ZSCAN25: variants seen among roughly 807,000 people sequenced by gnomAD.
ZSCAN25 encodes the protein zinc finger and SCAN domain-containing protein 25.
Under a neutral mutation model 38.7 loss-of-function variants are expected in ZSCAN25, and 27 were observed. The ratio of observed to expected loss-of-function variants is 0.70; its 90% CI spans 0.51 to 0.96. The LOEUF (loss-of-function observed/expected upper bound fraction) is 0.96, where lower values mean the gene tolerates loss of function less well. Ranked by LOEUF, ZSCAN25 falls within the 40% of genes least tolerant of loss-of-function variation. ZSCAN25 has a pLI of 0.00. For missense variants in ZSCAN25, 637 were observed against 705.9 expected (o/e 0.90, Z 1.11); for synonymous variants, 273 against 277.7 (o/e 0.98, Z 0.17).
chr7:99,697,088 A>G, the ZSCAN25 span, among the ~76,000 whole-genome samples: 3 of 152,332 alleles, frequency 2.0e-5, no homozygotes, highest in East Asian at 5.8e-4. Context: ...ACCCAGCCTC[A>G]GGTATTTCTT....
the ZSCAN25 span, among the ~76,000 whole-genome samples, chr7:99,673,985 G>A: frequency 3.4e-3 from 513 of 152,304 alleles, 2 homozygotes; most frequent in South Asian, 0.011. Context: ...ACAATAGCGA[G>A]TGTGAACTTT....
the ZSCAN25 span, among the ~76,000 whole-genome samples, chr7:99,713,880 C>T: frequency 6.6e-6 from 1 of 152,218 alleles, no homozygotes; most frequent in Non-Finnish European, 1.5e-5. Context: ...AACTTGTCAG[C>T]AGCTTTGGTG....
At chr7:99,650,039 A>G in the ZSCAN25 span, 5 of 1,610,986 alleles carry the variant, frequency 3.1e-6, no homozygotes, top group Non-Finnish European at 4.2e-6. Flanking sequence ...CAGTTAAAAA[A>G]ATTCTTAATA....
the ZSCAN25 span, among the ~76,000 whole-genome samples, chr7:99,723,954 C>T: frequency 1.3e-5 from 2 of 152,214 alleles, no homozygotes; most frequent in African/African-American, 2.4e-5. Context: ...TATCTGATCA[C>T]TGTGGGGATG....
At chr7:99,638,680 ATTG>A in the ZSCAN25 span, 3 of 1,538,994 alleles carry the variant, frequency 1.9e-6, no homozygotes, top group South Asian at 3.3e-5. Flanking sequence ...CATTTACAGG[ATTG>A]TTGTCTTGCC....
At chr7:99,663,994 T>C in the ZSCAN25 span, 1 of 1,592,256 alleles carries the variant, frequency 6.3e-7, no homozygotes, top group African/African-American at 1.4e-5. Context: ...AGGCGACTTT[T>C]CTTCATTCTG....
the ZSCAN25 span, chr7:99,676,700 C>T: frequency 1.5e-5 from 8 of 546,756 alleles, no homozygotes; most frequent in South Asian, 1.1e-4. Context: ...ACAATTTGCT[C>T]AGAAATGTTT....
chr7:99,728,465 G>A, the ZSCAN25 span, among the ~76,000 whole-genome samples: 1 of 152,016 alleles, frequency 6.6e-6, no homozygotes, highest in African/African-American at 2.4e-5. Context: ...GACCACTAAG[G>A]GCTGATGCCC....
the ZSCAN25 span, chr7:99,677,156 A>G: frequency 1.0e-6 from 1 of 985,250 alleles, no homozygotes. Flanking sequence ...CTCATCTTTC[A>G]TGAGTCATGT....
At chr7:99,678,350 T>G in the ZSCAN25 span, among the ~76,000 whole-genome samples, 1 of 152,234 alleles carries the variant, frequency 6.6e-6, no homozygotes, top group Non-Finnish European at 1.5e-5. Flanking sequence ...ATTTTCTCAC[T>G]TCATATGGAT....
At chr7:99,622,864 T>G (rs959481123) in intron 6 of ZSCAN25, among the ~76,000 whole-genome samples, 2 of 152,238 alleles carry the variant, frequency 1.3e-5, no homozygotes, top group Non-Finnish European at 2.9e-5. Flanking sequence ...TGGAGTGCAG[T>G]GGCACGGTCT....
chr7:99,705,938 C>T, the ZSCAN25 span, among the ~76,000 whole-genome samples: 20 of 152,250 alleles, frequency 1.3e-4, no homozygotes, highest in African/African-American at 2.2e-4. Context: ...TTAGGTATAA[C>T]GGTAAACTTT....
chr7:99,685,531 G>A, the ZSCAN25 span, among the ~76,000 whole-genome samples: 2 of 152,228 alleles, frequency 1.3e-5, no homozygotes, highest in Admixed American at 6.5e-5. Flanking sequence ...AAATATTTTT[G>A]TGTAAGGTTG....
the ZSCAN25 span, among the ~76,000 whole-genome samples, chr7:99,656,957 T>G: frequency 3.9e-5 from 6 of 152,200 alleles, no homozygotes; most frequent in Non-Finnish European, 8.8e-5. Flanking sequence ...TGCATCTATT[T>G]GATTCTTCTC....
chr7:99,715,849 G>T, the ZSCAN25 span: 1 of 1,613,872 alleles, frequency 6.2e-7, no homozygotes, highest in Admixed American at 1.7e-5. Flanking sequence ...TGAGAGAGTC[G>T]ATGCTCACTC....
At chr7:99,686,509 A>G in the ZSCAN25 span, among the ~76,000 whole-genome samples, 22 of 152,328 alleles carry the variant, frequency 1.4e-4, no homozygotes. Context: ...GCAGCTGGGA[A>G]GCTCAAACTG....
the ZSCAN25 span, chr7:99,714,485 C>A: frequency 2.5e-6 from 4 of 1,593,192 alleles, no homozygotes; most frequent in Non-Finnish European, 3.4e-6. Context: ...GGGAAGTGCA[C>A]CGATCATATG....
the ZSCAN25 span, chr7:99,679,829 T>C: frequency 1.2e-6 from 2 of 1,613,948 alleles, no homozygotes; most frequent in Admixed American, 3.3e-5. Context: ...TACTCACAGA[T>C]AGAGGAGCAC....
the ZSCAN25 span, chr7:99,707,661 C>A: frequency 7.6e-7 from 1 of 1,316,390 alleles, no homozygotes; most frequent in South Asian, 1.4e-5. Flanking sequence ...ACTGAAGCAC[C>A]CTTAAAGATC....
Sources: gnomAD v4.1 joint callset for allele counts (sites outside exome capture counted in the v4.1 genomes callset) on GRCh38, gnomAD v4.1.1 for gene constraint, MANE v1.5 for transcripts, NCBI Gene and HGNC (gene_info 2026-07-23, HGNC 2026-07-21) for gene names.